TRHDE: variants seen among roughly 807,000 people sequenced by gnomAD.
TRHDE encodes the protein thyrotropin releasing hormone degrading enzyme.
In TRHDE, 72 loss-of-function variants were observed where a neutral mutation model predicts 125.7. The observed-to-expected ratio is 0.57, with a 90% CI of 0.47 to 0.70. The LOEUF (loss-of-function observed/expected upper bound fraction) is 0.70, where lower values mean the gene tolerates loss of function less well. TRHDE is among the 30% of genes least tolerant of loss of function. The pLI, the probability that TRHDE is intolerant of heterozygous loss-of-function variation, is 0.00. For missense variants in TRHDE, 1,110 were observed against 1,327.1 expected (o/e 0.84, Z 2.54); for synonymous variants, 509 against 509.1 (o/e 1.00, Z 0.00).
intron 6 of TRHDE, among the ~76,000 whole-genome samples, chr12:72,537,169 C>T (rs1235159268): frequency 6.6e-6 from 1 of 151,912 alleles, no homozygotes; most frequent in Non-Finnish European, 1.5e-5. Context: ...TAATATTTTC[C>T]TTTTGATATT....
intron 15 of TRHDE, among the ~76,000 whole-genome samples, chr12:72,638,483 T>G (rs1873870646): frequency 6.6e-6 from 1 of 151,092 alleles, no homozygotes; most frequent in South Asian, 2.1e-4. Flanking sequence ...GTCTTTTAAT[T>G]GGAGCATTTA....
chr12:72,409,229 T>C (rs758046428), intron 3 of TRHDE, among the ~76,000 whole-genome samples: 1 of 152,130 alleles, frequency 6.6e-6, no homozygotes, highest in Non-Finnish European at 1.5e-5. Flanking sequence ...GAAAGGGAAA[T>C]ATATCATTAT....
chr12:72,500,784 G>A (rs968735097), intron 6 of TRHDE, among the ~76,000 whole-genome samples: 1 of 150,316 alleles, frequency 6.7e-6, no homozygotes, highest in Non-Finnish European at 1.5e-5. Context: ...ATACCCTGAA[G>A]CATTTATTGT....
intron 2 of TRHDE, among the ~76,000 whole-genome samples, chr12:72,375,493 A>T (rs199779883): frequency 1.3e-5 from 2 of 152,152 alleles, no homozygotes; most frequent in East Asian, 3.9e-4. Flanking sequence ...GGTAAGATCG[A>T]TTGATAGGAA....
chr12:72,370,474 G>A (rs563487218), intron 2 of TRHDE, among the ~76,000 whole-genome samples: 40 of 152,166 alleles, frequency 2.6e-4, no homozygotes, highest in Non-Finnish European at 5.1e-4. Context: ...TTGTGCCGAC[G>A]GTATTAAATT....
intron 2 of TRHDE, among the ~76,000 whole-genome samples, chr12:72,243,217 T>G (rs1034684921): frequency 6.6e-6 from 1 of 152,244 alleles, no homozygotes; most frequent in African/African-American, 2.4e-5. Context: ...CTTTCCCCTT[T>G]AAGCTTTTTT....
intron 1 of TRHDE, among the ~76,000 whole-genome samples, chr12:72,093,469 C>T (rs1213574907): frequency 6.6e-6 from 1 of 152,062 alleles, no homozygotes; most frequent in Non-Finnish European, 1.5e-5. Context: ...TATTTGTATG[C>T]TTGATGATGT....
chr12:72,247,991 A>G (rs1022086079), intron 2 of TRHDE, among the ~76,000 whole-genome samples: 1 of 152,154 alleles, frequency 6.6e-6, no homozygotes, highest in Non-Finnish European at 1.5e-5. Flanking sequence ...TTAATTAATC[A>G]TCTGTCTCAG....
At chr12:72,407,753 A>G (rs185706617) in intron 3 of TRHDE, among the ~76,000 whole-genome samples, 269 of 152,348 alleles carry the variant, frequency 1.8e-3, no homozygotes, top group Non-Finnish European at 2.1e-3. Context: ...TAAAGGGTAA[A>G]CAAACACAGG....
At chr12:72,153,561 C>T (rs1174926947) in intron 2 of TRHDE, among the ~76,000 whole-genome samples, 1 of 152,206 alleles carries the variant, frequency 6.6e-6, no homozygotes. Flanking sequence ...CTACACACTG[C>T]TTTGAATGTG....
intron 2 of TRHDE, among the ~76,000 whole-genome samples, chr12:72,236,864 T>C (rs1243759493): frequency 1.3e-5 from 2 of 152,196 alleles, no homozygotes; most frequent in African/African-American, 4.8e-5. Context: ...CATGCTTTAA[T>C]TGATTTGTTA....
At chr12:72,304,608 ACAGT>A (rs537835395) in intron 2 of TRHDE, among the ~76,000 whole-genome samples, 30 of 152,164 alleles carry the variant, frequency 2.0e-4, no homozygotes, top group Non-Finnish European at 2.8e-4. Context: ...TTGAGATGAC[ACAGT>A]CAAACAACTG....
intron 2 of TRHDE, among the ~76,000 whole-genome samples, chr12:72,329,862 T>C (rs1157024604): frequency 1.3e-5 from 2 of 152,262 alleles, no homozygotes; most frequent in East Asian, 3.9e-4. Flanking sequence ...ATTCAGTTTG[T>C]TCTCATAAAA....
intron 2 of TRHDE, among the ~76,000 whole-genome samples, chr12:72,129,582 T>A (rs1875813650): frequency 6.6e-6 from 1 of 152,250 alleles, no homozygotes; most frequent in Non-Finnish European, 1.5e-5. Context: ...AGCCTTTGTA[T>A]GTAACAGAGA....
chr12:72,257,927 T>C (rs1177043443), intron 2 of TRHDE: 3 of 152,194 alleles, frequency 2.0e-5, no homozygotes, highest in Non-Finnish European at 4.4e-5. Context: ...GGTCCACTTC[T>C]ATTTAATAAA....
At chr12:72,173,255 A>G (rs1233199236) in intron 2 of TRHDE, among the ~76,000 whole-genome samples, 1 of 152,194 alleles carries the variant, frequency 6.6e-6, no homozygotes, top group Non-Finnish European at 1.5e-5. Flanking sequence ...ATAAAGTGGA[A>G]ATGAAGTGAC....
chr12:72,444,940 C>G (rs1056700204), intron 3 of TRHDE, among the ~76,000 whole-genome samples: 2 of 151,860 alleles, frequency 1.3e-5, no homozygotes, highest in Admixed American at 1.3e-4. Context: ...TTACTATTCT[C>G]TTTCCTCCCA....
chr12:72,168,160 T>C (rs1313083217), intron 2 of TRHDE, among the ~76,000 whole-genome samples: 1 of 152,208 alleles, frequency 6.6e-6, no homozygotes, highest in Non-Finnish European at 1.5e-5. Context: ...TTGGAAATAC[T>C]AGTATGAGAA....
chr12:72,408,400 C>A (rs902168920), intron 3 of TRHDE, among the ~76,000 whole-genome samples: 8 of 152,230 alleles, frequency 5.3e-5, no homozygotes, highest in African/African-American at 1.7e-4. Flanking sequence ...CCATAGAAAC[C>A]TAGCAAAAGT....
Sources: allele counts gnomAD v4.1 joint callset (sites outside exome capture counted in the v4.1 genomes callset), GRCh38; gene constraint gnomAD v4.1.1; transcripts MANE v1.5; gene names NCBI Gene and HGNC (gene_info 2026-07-23, HGNC 2026-07-21).